BICD1: variants seen among roughly 807,000 people sequenced by gnomAD.
BICD1 encodes BICD cargo adaptor 1.
Under a neutral mutation model 92.5 loss-of-function variants are expected in BICD1, and 35 were observed. The observed-to-expected ratio is 0.38, with a 90% confidence interval of 0.29 to 0.50. BICD1 has a LOEUF of 0.50. BICD1 is among the 20% of genes least tolerant of loss of function. The pLI, the probability that BICD1 is intolerant of heterozygous loss-of-function variation, is 0.93. For synonymous variants in BICD1, 429 were observed against 465.1 expected, an observed-to-expected ratio of 0.92 and a Z score of 1.00; for missense variants, 950 against 1,189.8, an observed-to-expected ratio of 0.80 and a Z score of 2.97.
chr12:32,242,488 C>T (rs112567141), intron 2 of BICD1, among the ~76,000 whole-genome samples: 6,438 of 151,794 alleles, frequency 0.042, 171 homozygotes, highest in Middle Eastern at 0.075. Flanking sequence ...GATCGTGCCA[C>T]TGCACTTTAG....
rs1272188254 is a variant in BICD1, at chr12:32,253,606, A to C, written c.426+37147A>C. ...TAATGCTTATTCATCACAAATAGTAAGTAAATAATGACAGAAATAATTCCT... is the reference window on the plus strand; with the variant it reads ...TAATGCTTATTCATCACAAATAGTACGTAAATAATGACAGAAATAATTCCT... On this transcript the variant is annotated intron_variant, in intron 2 of 9. Transcript: ENST00000652176. Among the ~76,000 whole-genome samples the C allele has an allele frequency of 2.6e-5, 4 of 152,196 alleles. No individual in the cohort carries two copies. The East Asian group carries it at 7.7e-4, about 29-fold the overall frequency.
Position 32,376,876 on chromosome 12 carries a change from A to AGG in BICD1, c.2841-653_2841-652dup, listed in dbSNP as rs36065954. Among the ~76,000 whole-genome samples the AGG allele has an allele frequency of 2.6e-4, 17 of 64,360 alleles. No homozygotes were observed. In the East Asian group the frequency reaches 3.4e-3, roughly 13 times the overall value. 42.2% of individuals were successfully genotyped at this position (64,360 alleles called of 152,430 possible). On this transcript the variant is annotated intron_variant, in intron 9 of 9. Transcript: ENST00000652176. ...CAACGAGACTCCATCTAAAAAAAAAAGGGGGGGGGGGGTGAAATATAAAAC... is the reference window on the plus strand; with the variant it reads ...CAACGAGACTCCATCTAAAAAAAAAAGGGGGGGGGGGGGGTGAAATATAAAAC...
chr12:32,220,687 G>A (rs1442504138), intron 2 of BICD1, among the ~76,000 whole-genome samples: 48 of 148,896 alleles, frequency 3.2e-4, no homozygotes, highest in South Asian at 6.7e-4. Flanking sequence ...TCAGTGTGGC[G>A]ATTCCTCAGG....
chr12:32,152,153 C>T (rs563941378), intron 1 of BICD1, among the ~76,000 whole-genome samples: 63 of 152,068 alleles, frequency 4.1e-4, no homozygotes, highest in African/African-American at 1.2e-3. Flanking sequence ...GATGGGGTTT[C>T]GCCATGTTGC....
intron 1 of BICD1, among the ~76,000 whole-genome samples, chr12:32,196,880 G>A (rs1944741841): frequency 6.6e-6 from 1 of 152,118 alleles, no homozygotes; most frequent in African/African-American, 2.4e-5. Flanking sequence ...TCATCATGTT[G>A]TACGCCTTGA....
intron 2 of BICD1, among the ~76,000 whole-genome samples, chr12:32,284,596 C>T (rs895897037): frequency 1.3e-5 from 2 of 152,162 alleles, no homozygotes; most frequent in African/African-American, 4.8e-5. Context: ...TTTGACCTTT[C>T]TTGCTAAAGT....
intron 2 of BICD1, among the ~76,000 whole-genome samples, chr12:32,239,064 G>GCGAAACCC (rs1217436666): frequency 6.7e-6 from 1 of 148,846 alleles, no homozygotes; most frequent in Non-Finnish European, 1.5e-5. Flanking sequence ...GGCTAACATG[G>GCGAAACCC]CGAAACCCCG....
At chr12:32,142,533 A>G (rs1303739781) in intron 1 of BICD1, among the ~76,000 whole-genome samples, 1 of 118,774 alleles carries the variant, frequency 8.4e-6, no homozygotes, top group Non-Finnish European at 1.8e-5. Context: ...CTAATTTTTC[A>G]AATTAAAAAT....
At chr12:32,371,963 A>T (rs1479644400) in intron 9 of BICD1, among the ~76,000 whole-genome samples, 1 of 152,228 alleles carries the variant, frequency 6.6e-6, no homozygotes, top group Non-Finnish European at 1.5e-5. Flanking sequence ...TATCCTGAAC[A>T]CAACTGAGCC....
At chr12:32,250,558 G>C (rs1279811512) in intron 2 of BICD1, among the ~76,000 whole-genome samples, 1 of 152,168 alleles carries the variant, frequency 6.6e-6, no homozygotes, top group African/African-American at 2.4e-5. Flanking sequence ...TGAAAAATGA[G>C]ACAGGTTTTA....
intron 9 of BICD1, among the ~76,000 whole-genome samples, chr12:32,373,877 CA>C (rs145953855): frequency 0.014 from 1,649 of 121,682 alleles, 22 homozygotes; most frequent in African/African-American, 0.034. Flanking sequence ...GAGACTGTCT[CA>C]AAAAAAAAAA....
chr12:32,173,318 G>A (rs10844148), intron 1 of BICD1, among the ~76,000 whole-genome samples: 52 of 152,160 alleles, frequency 3.4e-4, no homozygotes, highest in African/African-American at 1.1e-3. Flanking sequence ...CCAAAGTGCC[G>A]GGATTACAGG....
intron 1 of BICD1, among the ~76,000 whole-genome samples, chr12:32,146,570 G>T (rs1030485864): frequency 6.7e-6 from 1 of 149,926 alleles, no homozygotes; most frequent in Admixed American, 6.6e-5. Flanking sequence ...TATTTAAGTA[G>T]TTCTTAAAGT....
At chr12:32,271,215 C>T (rs1310255647) in intron 2 of BICD1, among the ~76,000 whole-genome samples, 1 of 152,220 alleles carries the variant, frequency 6.6e-6, no homozygotes, top group African/African-American at 2.4e-5. Context: ...CCAGATGAGA[C>T]TTCGCTCAGA....
At position 32,338,870 on chromosome 12, in the gene BICD1, T is replaced by C; in HGVS notation, c.2655T>C (p.Pro885=). The stretch of plus-strand genomic sequence containing the variant: ...TACAGAATTTATTAAGAGTTCCCCC[T>C]GATCCCACCTCCACAGAATCATTTC... ...SYLQNLLRVP[P]DPTSTESFLL... The change falls in exon 8 of 10, where the codon CCT becomes CCC. Residue 885 remains proline, a synonymous_variant. Coordinates refer to ENST00000652176, the MANE Select transcript of BICD1 (RefSeq NM_001714.4). 6.2e-7 allele frequency: 1 copy of C among 1,607,954 alleles called. No individual in the cohort carries two copies. The highest frequency in any genetic ancestry group is 8.5e-7 in the Non-Finnish European group (1 of 1,177,508).
chr12:32,145,386 C>T (rs535264831), intron 1 of BICD1, among the ~76,000 whole-genome samples: 1 of 152,220 alleles, frequency 6.6e-6, no homozygotes, highest in South Asian at 2.1e-4. Context: ...TGTTTGTGTT[C>T]CCAAATCCTA....
chr12:32,225,619 C>CTTTTTTTTTTTTTTTTTT, intron 2 of BICD1, among the ~76,000 whole-genome samples: 1 of 29,226 alleles, frequency 3.4e-5, no homozygotes, highest in African/African-American at 1.1e-4. Flanking sequence ...TTCTTTTTTT[C>CTTTTTTTTTTTTTTTTTT]TGTTTTTTTT....
chr12:32,137,857 G>T (rs761297828), intron 1 of BICD1, among the ~76,000 whole-genome samples: 17 of 151,954 alleles, frequency 1.1e-4, no homozygotes, highest in Non-Finnish European at 2.4e-4. Context: ...GAGTGCAGTG[G>T]CGCGATCTCA....
chr12:32,175,148 C>A (rs557313351), intron 1 of BICD1, among the ~76,000 whole-genome samples: 1 of 152,258 alleles, frequency 6.6e-6, no homozygotes, highest in East Asian at 1.9e-4. Context: ...TGTGTAAGCA[C>A]AAGGTAGATC....
Sources: gnomAD v4.1 joint callset for allele counts (sites outside exome capture counted in the v4.1 genomes callset) on GRCh38, gnomAD v4.1.1 for gene constraint, MANE v1.5 for transcripts, NCBI Gene and HGNC (gene_info 2026-07-23, HGNC 2026-07-21) for gene names.